DCP1B: variants seen among roughly 807,000 people sequenced by gnomAD.
The protein encoded by DCP1B is decapping mRNA 1B, also known as mRNA-decapping enzyme 1B.
A neutral mutation model predicts 60.5 loss-of-function variants in DCP1B; 47 were observed. That is an observed-to-expected ratio of 0.78 (90% confidence interval 0.61 to 0.99). The LOEUF (loss-of-function observed/expected upper bound fraction) is 0.99, where lower values mean the gene tolerates loss of function less well. Ranked by LOEUF, DCP1B falls within the 50% of genes least tolerant of loss-of-function variation. The pLI is 0.00. For synonymous variants in DCP1B, 267 were observed against 280.3 expected (o/e 0.95, Z 0.47); for missense variants, 725 against 756.8 (o/e 0.96, Z 0.49).
chr12:1,963,921 G>A (rs148442001), intron 5 of DCP1B, among the ~76,000 whole-genome samples: 4,151 of 152,206 alleles, frequency 0.027, 95 homozygotes, highest in Middle Eastern at 0.054. Context: ...TTAATCTTAT[G>A]TAGTTTTAAC....
At chr12:1,951,355 AT>A (rs1368198373) in intron 7 of DCP1B, among the ~76,000 whole-genome samples, 1 of 152,216 alleles carries the variant, frequency 6.6e-6, no homozygotes, top group Non-Finnish European at 1.5e-5. Context: ...GAACTTTCCA[AT>A]TTTTAAACCC....
downstream of DCP1B, among the ~76,000 whole-genome samples, chr12:1,945,434 A>G (rs941097480): frequency 1.3e-5 from 2 of 152,220 alleles, no homozygotes; most frequent in African/African-American, 2.4e-5. Context: ...CTGGGTATAT[A>G]CCCAAAGGAT....
chr12:1,986,065 G>T (rs543753012), intron 3 of DCP1B, among the ~76,000 whole-genome samples: 1 of 152,164 alleles, frequency 6.6e-6, no homozygotes, highest in Non-Finnish European at 1.5e-5. Context: ...TGCCCGCCTT[G>T]GCCTCCCAAA....
rs552376682 is a variant in DCP1B, at chr12:1,951,306, T to A, written c.1524+1110A>T. Among the ~76,000 whole-genome samples, 11 of 152,150 alleles carry A rather than the reference T, an allele frequency of 7.2e-5. No homozygotes were observed. In the South Asian group the frequency reaches 1.7e-3, roughly 23 times the overall value. ...ACAAAAAAAGGTACATAACAAAACA[T>A]GACAAAGGGCCAGTGATGATATATG... is the stretch of plus-strand genomic sequence containing the variant. On this transcript the variant is annotated intron_variant, in intron 7 of 8. Transcript: ENST00000280665.
At chr12:1,994,712 T>C (rs1325501680) in intron 2 of DCP1B, among the ~76,000 whole-genome samples, 2 of 152,312 alleles carry the variant, frequency 1.3e-5, no homozygotes, top group East Asian at 1.9e-4. Flanking sequence ...AGTGTTTTCA[T>C]ACAAGAATGA....
Position 1,975,218 on chromosome 12 carries a change from A to G in DCP1B, c.320-7308T>C, listed in dbSNP as rs1277787652. ...CTCTTTCCAAAAACCCTTTATGTTT[A>G]AACAGTTAAATTGTGTTTTGGTTCT... On this transcript the variant is annotated intron_variant, in intron 3 of 8. Transcript: ENST00000280665. 6.6e-5 allele frequency among the ~76,000 whole-genome samples: 10 copies of G among 152,158 alleles called. No individual in the cohort carries two copies. In the South Asian group the frequency reaches 2.1e-3, roughly 32 times the overall value.
chr12:1,953,893 A>G (rs1431466496), intron 6 of DCP1B, among the ~76,000 whole-genome samples: 2 of 152,248 alleles, frequency 1.3e-5, no homozygotes, highest in Non-Finnish European at 2.9e-5. Flanking sequence ...TGCACTGAGA[A>G]AACATGAGGC....
chr12:1,963,140 AG>A (rs990276613), intron 5 of DCP1B, among the ~76,000 whole-genome samples: 2 of 152,278 alleles, frequency 1.3e-5, no homozygotes, highest in Non-Finnish European at 2.9e-5. Flanking sequence ...TTATCACATT[AG>A]GAAGCCAGAG....
intron 3 of DCP1B, among the ~76,000 whole-genome samples, chr12:1,984,245 G>T (rs1430847309): frequency 6.6e-6 from 1 of 152,032 alleles, no homozygotes; most frequent in Non-Finnish European, 1.5e-5. Context: ...CGATATGGTT[G>T]AACTTGGGTA....
At chr12:1,991,448 GAAGC>G (rs778795196) in intron 3 of DCP1B, 3 of 213,438 alleles carry the variant, frequency 1.4e-5, no homozygotes, top group Non-Finnish European at 1.9e-5. Flanking sequence ...AAAATACAAA[GAAGC>G]AAGTGAAATT....
At chr12:1,967,609 TCA>T (rs1391866522) in intron 4 of DCP1B, among the ~76,000 whole-genome samples, 3 of 152,234 alleles carry the variant, frequency 2.0e-5, no homozygotes, top group Admixed American at 6.5e-5. Context: ...CATATATATT[TCA>T]CACACAGGAA....
chr12:1,971,133 C>T lies in DCP1B; in HGVS notation c.320-3223G>A, dbSNP rs565973402. On this transcript the variant is annotated intron_variant, in intron 3 of 8. Transcript: ENST00000280665. The surrounding 1 kb of genome is among the most constrained non-coding windows in gnomAD (Gnocchi z 4.2). ...CTTCCCAGCCACCTGTCTGCCAACACGGAGGTCAAGTTTAAGGGTACTTTG... is the reference window on the plus strand; with the variant it reads ...CTTCCCAGCCACCTGTCTGCCAACATGGAGGTCAAGTTTAAGGGTACTTTG... 6.2e-6 allele frequency: 8 copies of T among 1,288,996 alleles called. No homozygotes were observed. The highest frequency in any genetic ancestry group is 4.5e-5 in the African/African-American group (3 of 65,940). The allele number at this position is 1,288,996 out of a possible 1,614,324, so 79.8% of individuals were successfully genotyped here.
chr12:1,949,460 A>G, intron 7 of DCP1B, 126 bp from the exon 8 acceptor site: 1 of 1,334,724 alleles, frequency 7.5e-7, no homozygotes, highest in South Asian at 1.4e-5. Context: ...AGAAAAGTTT[A>G]TGGGAAACTG....
chr12:1,995,190 T>C (rs1455382051), intron 2 of DCP1B, among the ~76,000 whole-genome samples: 2 of 152,228 alleles, frequency 1.3e-5, no homozygotes, highest in South Asian at 4.1e-4. Context: ...AGAAAATATT[T>C]GTATGATTTG....
In DCP1B at chr12:1,949,351, C is replaced by T. The variant is rs1357331727; in HGVS notation, c.1525-17G>A. 1 of 1,611,018 alleles carries T rather than the reference C, an allele frequency of 6.2e-7. No individual in the cohort carries two copies. The highest frequency in any genetic ancestry group is 2.2e-5 in the East Asian group (1 of 44,768). On this transcript the variant is annotated splice_polypyrimidine_tract_variant and intron_variant, in intron 7 of 8. Coordinates refer to ENST00000280665, the MANE Select transcript of DCP1B (RefSeq NM_152640.5). ...TGAGATGACCTGCTCACAGCAAATA[C>T]ACACAGAGAGCGGGGTTCAGGAGCA...
intron 1 of DCP1B, among the ~76,000 whole-genome samples, chr12:1,999,723 T>C (rs2906894): frequency 0.76 from 116,048 of 152,132 alleles, 44,672 homozygotes; most frequent in African/African-American, 0.88. Flanking sequence ...GAGACCCTGT[T>C]TCTTATAAAT....
At chr12:2,004,241 C>T in intron 1 of DCP1B, 41 bp downstream of exon 1, 1 of 1,610,450 alleles carries the variant, frequency 6.2e-7, no homozygotes, top group Non-Finnish European at 8.5e-7. Context: ...CCGCCTCCAC[C>T]CCAACCCTGG....
intron 3 of DCP1B, among the ~76,000 whole-genome samples, chr12:1,990,473 A>G (rs1456352937): frequency 1.3e-5 from 2 of 152,214 alleles, no homozygotes; most frequent in Non-Finnish European, 2.9e-5. Flanking sequence ...GGCTGATTAA[A>G]TGAAGAGAGT....
At chr12:1,996,300 G>A (rs2154476367) in intron 2 of DCP1B, among the ~76,000 whole-genome samples, 1 of 152,130 alleles carries the variant, frequency 6.6e-6, no homozygotes, top group South Asian at 2.1e-4. Flanking sequence ...AAAATCCAGA[G>A]TCTGCCATTC....
Sources: allele counts gnomAD v4.1 joint callset (sites outside exome capture counted in the v4.1 genomes callset), GRCh38; gene constraint gnomAD v4.1.1; non-coding constraint Gnocchi (gnomAD v3.1); transcripts MANE v1.5; gene names NCBI Gene and HGNC (gene_info 2026-07-23, HGNC 2026-07-21).